The following RUFY2 variants were observed in gnomAD, a reference collection of about 807,000 sequenced individuals.
RUFY2 encodes RUN and FYVE domain-containing protein 2.
In RUFY2, 49 loss-of-function variants were observed where a neutral mutation model predicts 94.4. That is an observed-to-expected ratio of 0.52 (90% CI 0.41 to 0.66). The LOEUF (loss-of-function observed/expected upper bound fraction) is 0.66. Ranked by LOEUF, RUFY2 falls within the 30% of genes least tolerant of loss-of-function variation. The pLI, the probability that RUFY2 is intolerant of heterozygous loss-of-function variation, is 0.00. For synonymous variants in RUFY2, 255 were observed against 235.7 expected (o/e 1.08, Z -0.75); for missense variants, 541 against 692.8 (o/e 0.78, Z 2.46).
chr10:68,378,556 T>A, intron 12 of RUFY2: 1 of 1,573,162 alleles, frequency 6.4e-7, no homozygotes, highest in Non-Finnish European at 8.6e-7. Context: ...TAAATACAAG[T>A]GGTCTTCAGA....
At chr10:68,363,268 C>A (rs2047577631) in intron 15 of RUFY2, among the ~76,000 whole-genome samples, 1 of 152,160 alleles carries the variant, frequency 6.6e-6, no homozygotes. Context: ...ACTCCACCTC[C>A]TGGGTTCAAG....
intron 10 of RUFY2, 108 bp downstream of exon 10, chr10:68,383,690 C>T (rs1046407934): frequency 1.3e-6 from 1 of 774,986 alleles, no homozygotes. Context: ...GAGCTTGCTA[C>T]ATACCACACC....
chr10:68,386,460 C>G (rs2049502875), intron 7 of RUFY2, among the ~76,000 whole-genome samples: 2 of 152,172 alleles, frequency 1.3e-5, no homozygotes, highest in South Asian at 4.1e-4. Context: ...AACTATTCTT[C>G]TGCCTCAGCC....
chr10:68,386,175 A>G lies in RUFY2; in HGVS notation c.651-47T>C, dbSNP rs529901342. ...ACTCATTCAAAATCACACGAACTCA[A>G]AAAGGCACGAAAAAATATGTTATCC... On this transcript the variant is annotated intron_variant, in intron 7 of 17. Transcript: ENST00000602465. 9 of 1,462,418 alleles carry G rather than the reference A, an allele frequency of 6.2e-6. No homozygotes were observed. The African/African-American group carries it at 9.8e-5, about 16-fold the overall frequency. 90.6% of individuals were successfully genotyped at this position (1,462,418 alleles called of 1,614,324 possible).
At chr10:68,405,313 C>CTA (rs2051193794) in intron 1 of RUFY2, 1 of 169,268 alleles carries the variant, frequency 5.9e-6, no homozygotes, top group Admixed American at 8.2e-5. Context: ...CTCCGTCTCA[C>CTA]AAAAAAAAAA....
At chr10:68,365,242 T>C in intron 13 of RUFY2, among the ~76,000 whole-genome samples, 1 of 152,142 alleles carries the variant, frequency 6.6e-6, no homozygotes, top group Non-Finnish European at 1.5e-5. Context: ...TACTACAAAG[T>C]TAAAATTTGA....
chr10:68,378,130 C>T, intron 12 of RUFY2: 1 of 985,746 alleles, frequency 1.0e-6, no homozygotes, highest in Non-Finnish European at 1.2e-6. Context: ...GTTGGCCAGT[C>T]TGGGTTATAA....
intron 16 of RUFY2, among the ~76,000 whole-genome samples, chr10:68,348,110 A>G (rs776448081): frequency 6.6e-6 from 1 of 151,782 alleles, no homozygotes; most frequent in Non-Finnish European, 1.5e-5. Flanking sequence ...CAGGATTATA[A>G]GGGCTTTTTT....
intron 16 of RUFY2, among the ~76,000 whole-genome samples, chr10:68,349,537 G>C (rs1020428098): frequency 1.3e-5 from 2 of 150,826 alleles, no homozygotes; most frequent in African/African-American, 4.9e-5. Context: ...TTTTTTTAAA[G>C]AAAAAAAAAT....
At chr10:68,401,795 T>C (rs1401204806) in intron 2 of RUFY2, 58 bp from the exon 3 acceptor site, 2 of 965,572 alleles carry the variant, frequency 2.1e-6, no homozygotes, top group Non-Finnish European at 3.3e-6. Flanking sequence ...TAGTAACTTA[T>C]TTTTAAATAT....
chr10:68,358,772 G>A (rs1564789595), intron 15 of RUFY2, among the ~76,000 whole-genome samples: 1 of 152,046 alleles, frequency 6.6e-6, no homozygotes, highest in East Asian at 1.9e-4. Context: ...TTAGCCGGGA[G>A]TGATGGCACA....
rs758740494 is a variant in RUFY2, at chr10:68,345,560, A to C, written c.*208T>G. The C allele has an allele frequency of 4.4e-4, 218 of 490,808 alleles. No homozygotes were observed. Among genetic ancestry groups the C allele is most frequent in the Admixed American group, 1.5e-3 (38 of 26,102 alleles). 30.4% of individuals were successfully genotyped at this position (490,808 alleles called of 1,614,324 possible). On this transcript the variant is annotated 3_prime_UTR_variant, in exon 18 of 18. Coordinates refer to ENST00000602465, the MANE Select transcript of RUFY2 (RefSeq NM_001330103.2). The stretch of plus-strand genomic sequence containing the variant: ...CCTTTTAATGAGTTACATGATTTTT[A>C]AGCATGCTCTGTTGAAAATACATTT...
rs1186767360 is a variant in RUFY2, at chr10:68,344,026, A to C, written c.*1742T>G. The C allele has an allele frequency of 6.6e-6, 1 of 152,134 alleles. No individual in the cohort carries two copies. The highest frequency in any genetic ancestry group is 2.4e-5 in the African/African-American group (1 of 41,440). The allele number at this position is 152,134 out of a possible 1,614,324, so 9.4% of individuals were successfully genotyped here. On this transcript the variant is annotated 3_prime_UTR_variant, in exon 18 of 18. Transcript: ENST00000602465. Reference sequence around the variant, plus strand: ...CATTTTTTGTTTATTCAGTAATCATAAAAATGTTAGCCCATCCCACCTATC... The same window carrying C: ...CATTTTTTGTTTATTCAGTAATCATCAAAATGTTAGCCCATCCCACCTATC...
chr10:68,393,801 T>G, intron 6 of RUFY2: 1 of 421,856 alleles, frequency 2.4e-6, no homozygotes, highest in Non-Finnish European at 3.9e-6. Flanking sequence ...AGCTTTCATC[T>G]CTTTTATTCC....
At chr10:68,380,538 T>C (rs939166910) in intron 11 of RUFY2, among the ~76,000 whole-genome samples, 2 of 151,972 alleles carry the variant, frequency 1.3e-5, no homozygotes, top group African/African-American at 4.8e-5. Flanking sequence ...TGGCAACATA[T>C]CTACTTAATA....
intron 7 of RUFY2, among the ~76,000 whole-genome samples, chr10:68,387,591 A>C (rs2049604064): frequency 6.6e-6 from 1 of 152,226 alleles, no homozygotes; most frequent in African/African-American, 2.4e-5. Flanking sequence ...TTAGGTAGAC[A>C]ACTTGAGTTT....
chr10:68,355,890 GGTGACAGA>G (rs1160163096), intron 15 of RUFY2, among the ~76,000 whole-genome samples: 2 of 149,914 alleles, frequency 1.3e-5, no homozygotes, highest in Non-Finnish European at 3.0e-5. Context: ...CTCCAGCCTG[GGTGACAGA>G]GTGAGACTCC....
rs751262008 is a variant in RUFY2 at position 68,343,679 on chromosome 10, A to C, written c.*2089T>G. The C allele has an allele frequency of 6.6e-6, 1 of 152,554 alleles. No individual in the cohort carries two copies. The highest frequency in any genetic ancestry group is 1.5e-5 in the Non-Finnish European group (1 of 68,010). The allele number at this position is 152,554 out of a possible 1,614,324, so 9.5% of individuals were successfully genotyped here. The stretch of plus-strand genomic sequence containing the variant: ...TATGTTAAGTCTGTTTTTGAAAAGT[A>C]AAATGAATACGAGTTCACAATCACG... On this transcript the variant is annotated 3_prime_UTR_variant, in exon 18 of 18. Transcript: ENST00000602465.
In RUFY2 at chr10:68,388,177, G is replaced by A. The variant is rs185380916; in HGVS notation, c.651-2049C>T. ...TAGTTTTGAGTGAGGAATAATAGGC[G>A]AATTCAGGCCAGGCACGGTGGCTCC... On this transcript the variant is annotated intron_variant, in intron 7 of 17. Coordinates refer to ENST00000602465, the MANE Select transcript of RUFY2 (RefSeq NM_001330103.2). Among the ~76,000 whole-genome samples the A allele has an allele frequency of 6.8e-3, 1,030 of 150,916 alleles. 2 individuals carry two copies. Among genetic ancestry groups the A allele is most frequent in the South Asian group, 0.018 (84 of 4,762 alleles).
Sources: gnomAD v4.1 joint callset for allele counts (sites outside exome capture counted in the v4.1 genomes callset) on GRCh38, gnomAD v4.1.1 for gene constraint, MANE v1.5 for transcripts, NCBI Gene and HGNC (gene_info 2026-07-23, HGNC 2026-07-21) for gene names.